The following BCAS3 variants were observed in gnomAD, a reference collection of about 807,000 sequenced individuals.
BCAS3 encodes the protein BCAS4/BCAS3 fusion.
BCAS3 carries 53 observed loss-of-function variants against 116.1 expected under a neutral mutation model. The ratio of observed to expected loss-of-function variants is 0.46; its 90% CI spans 0.37 to 0.57. The LOEUF is 0.57. Ranked by LOEUF, BCAS3 falls within the 20% of genes least tolerant of loss-of-function variation. The probability of loss-of-function intolerance (pLI) is 0.00; values close to 1 mark genes in which losing one functional copy is unlikely to be tolerated. For synonymous variants in BCAS3, 391 were observed against 408.2 expected (o/e 0.96, Z 0.51); for missense variants, 917 against 1,165.4 (o/e 0.79, Z 3.10).
chr17:61,283,493 G>A (rs933515996), intron 22 of BCAS3, among the ~76,000 whole-genome samples: 7 of 149,008 alleles, frequency 4.7e-5, no homozygotes, highest in Non-Finnish European at 8.9e-5. Flanking sequence ...TGGCTCTGTC[G>A]CCCAGGCTAG....
chr17:61,058,545 A>C (rs924537952), intron 19 of BCAS3, among the ~76,000 whole-genome samples: 1 of 152,150 alleles, frequency 6.6e-6, no homozygotes, highest in Non-Finnish European at 1.5e-5. Context: ...TACACCTTTA[A>C]ATATGAAACC....
chr17:61,136,867 C>A lies in BCAS3; in HGVS notation c.2425+52303C>A, dbSNP rs1380505052. Among the ~76,000 whole-genome samples the A allele has an allele frequency of 6.6e-6, 1 of 152,062 alleles. No homozygotes were observed. Among genetic ancestry groups the A allele is most frequent in the Admixed American group, 6.5e-5 (1 of 15,270 alleles). ...AGCCACTGTGCTCAGCCAATTGTCC[C>A]CATTTAAGAACCACTACCCTGGAAA... On this transcript the variant is annotated intron_variant, in intron 22 of 23. Transcript: ENST00000407086. The surrounding 1 kb of genome is among the most constrained non-coding windows in gnomAD (Gnocchi z 4.4).
chr17:61,206,227 C>G (rs2081114695), intron 22 of BCAS3, among the ~76,000 whole-genome samples: 1 of 152,104 alleles, frequency 6.6e-6, no homozygotes, highest in Non-Finnish European at 1.5e-5. Flanking sequence ...GAGTCATAAT[C>G]CTGGCAAAAC....
chr17:60,974,967 C>T (rs1223658788), intron 14 of BCAS3, among the ~76,000 whole-genome samples: 2 of 151,088 alleles, frequency 1.3e-5, no homozygotes, highest in African/African-American at 2.5e-5. Flanking sequence ...TATATTCAAG[C>T]CATTTGTTTT....
At chr17:60,752,423 T>A (rs1264725569) in intron 6 of BCAS3, among the ~76,000 whole-genome samples, 2 of 21,768 alleles carry the variant, frequency 9.2e-5, no homozygotes, top group East Asian at 0.12. Context: ...GTGTATTTCA[T>A]TTTTTTTTTT....
intron 6 of BCAS3, among the ~76,000 whole-genome samples, chr17:60,769,678 C>T (rs1034964261): frequency 6.6e-6 from 1 of 152,168 alleles, no homozygotes; most frequent in Admixed American, 6.5e-5. Context: ...TGGGATTTGT[C>T]CTTGGCGTGT....
intron 6 of BCAS3, among the ~76,000 whole-genome samples, chr17:60,769,332 T>G (rs1041649089): frequency 6.6e-6 from 1 of 152,192 alleles, no homozygotes; most frequent in African/African-American, 2.4e-5. Flanking sequence ...GAGGCCACTC[T>G]TAGTGGGAGC....
intron 13 of BCAS3, among the ~76,000 whole-genome samples, chr17:60,943,918 G>A (rs184760784): frequency 1.5e-3 from 230 of 152,004 alleles, no homozygotes; most frequent in Middle Eastern, 6.8e-3. Context: ...AAGCAACTAG[G>A]AAACATTTAA....
chr17:60,927,529 A>G (rs1306414978), intron 13 of BCAS3, among the ~76,000 whole-genome samples: 1 of 152,202 alleles, frequency 6.6e-6, no homozygotes, highest in Non-Finnish European at 1.5e-5. Flanking sequence ...TGCTGGGATT[A>G]CAGGCATGAG....
intron 22 of BCAS3, among the ~76,000 whole-genome samples, chr17:61,158,690 G>A (rs1355631168): frequency 6.6e-6 from 1 of 152,106 alleles, no homozygotes; most frequent in East Asian, 1.9e-4. Flanking sequence ...AAGGGAAAGA[G>A]GGATAGTACA....
At chr17:61,173,790 G>GGTTGAGTCCTCCTGAAGCA (rs1264538501) in intron 22 of BCAS3, among the ~76,000 whole-genome samples, 3 of 151,806 alleles carry the variant, frequency 2.0e-5, no homozygotes, top group South Asian at 4.2e-4. Flanking sequence ...GTTGAGATGG[G>GGTTGAGTCCTCCTGAAGCA]GGATGACTTG....
At chr17:60,895,887 A>G (rs987534555) in intron 10 of BCAS3, among the ~76,000 whole-genome samples, 3 of 152,200 alleles carry the variant, frequency 2.0e-5, no homozygotes, top group African/African-American at 4.8e-5. Context: ...AAGATACTTG[A>G]TATGATTCAG....
Position 61,315,399 on chromosome 17 carries a change from G to A in BCAS3, c.2426-52928G>A, listed in dbSNP as rs1216113162. Among the ~76,000 whole-genome samples the A allele has an allele frequency of 6.6e-6, 1 of 152,194 alleles. No individual in the cohort carries two copies. Among genetic ancestry groups the A allele is most frequent in the Non-Finnish European group, 1.5e-5 (1 of 68,032 alleles). ...CTCCCAAAGTGCTGGGATTACAGGT[G>A]TGAGCCACCGCGCCCAGCCAACGCA... is the stretch of plus-strand genomic sequence containing the variant. On this transcript the variant is annotated intron_variant, in intron 22 of 23. Coordinates refer to ENST00000407086, the MANE Select transcript of BCAS3 (RefSeq NM_017679.5). This position sits in a 1 kb window ranked among gnomAD's most constrained non-coding sequence, Gnocchi z 5.3.
At chr17:61,055,587 C>T (rs1315048908) in intron 19 of BCAS3, among the ~76,000 whole-genome samples, 2 of 152,152 alleles carry the variant, frequency 1.3e-5, no homozygotes, top group Non-Finnish European at 2.9e-5. Flanking sequence ...TTTTCTGACA[C>T]ATAGGGCACC....
At chr17:61,242,313 A>G (rs560146586) in intron 22 of BCAS3, among the ~76,000 whole-genome samples, 2 of 151,994 alleles carry the variant, frequency 1.3e-5, no homozygotes, top group Admixed American at 1.3e-4. Context: ...TCAGGAAGAC[A>G]GTGTAAATAT....
intron 19 of BCAS3, among the ~76,000 whole-genome samples, chr17:61,071,982 T>C (rs1248291244): frequency 6.6e-6 from 1 of 152,176 alleles, no homozygotes; most frequent in Non-Finnish European, 1.5e-5. Context: ...GGATATTTAT[T>C]TGATAATGAA....
rs1337544104 is a variant in BCAS3, at chr17:61,134,947, A to G, written c.2425+50383A>G. Among the ~76,000 whole-genome samples, 2 of 152,136 alleles carry G rather than the reference A, an allele frequency of 1.3e-5. No homozygotes were observed. Among genetic ancestry groups the G allele is most frequent in the Non-Finnish European group, 2.9e-5 (2 of 68,024 alleles). ...CAAGTCAGTAAAAGTGATATACAGT[A>G]TTTCTTCAAAACTGGAATGTTATTA... On this transcript the variant is annotated intron_variant, in intron 22 of 23. Transcript: ENST00000407086. This position sits in a 1 kb window ranked among gnomAD's most constrained non-coding sequence, Gnocchi z 4.6.
At position 61,124,399 on chromosome 17, in the gene BCAS3, CAA is replaced by C. The variant is rs151084201; in HGVS notation, c.2425+39836_2425+39837del. ...TATAAAAGTAGGGATTATAATATAA[CAA>C]TGCATCTTTTTATTTAGTTTGTTAA... On this transcript the variant is annotated intron_variant, in intron 22 of 23. Coordinates refer to ENST00000407086, the MANE Select transcript of BCAS3 (RefSeq NM_017679.5). This position sits in a 1 kb window ranked among gnomAD's most constrained non-coding sequence, Gnocchi z 4.6. 2.6e-5 allele frequency among the ~76,000 whole-genome samples: 4 copies of C among 151,980 alleles called. No individual in the cohort carries two copies. The East Asian group carries it at 7.8e-4, about 29-fold the overall frequency.
rs1397548801 is a variant in BCAS3 at position 61,302,906 on chromosome 17, GA to G, written c.2426-65419del. Among the ~76,000 whole-genome samples, 1 of 152,200 alleles carries G rather than the reference GA, an allele frequency of 6.6e-6. No individual in the cohort carries two copies. The highest frequency in any genetic ancestry group is 1.5e-5 in the Non-Finnish European group (1 of 68,040). ...TCCACGAAATACGGGCTTTGAGAGA[GA>G]AGACCATCTATCTCTAAGGTCCCTT... On this transcript the variant is annotated intron_variant, in intron 22 of 23. Transcript: ENST00000407086. The surrounding 1 kb of genome is among the most constrained non-coding windows in gnomAD (Gnocchi z 4.4).
Sources: gnomAD v4.1 joint callset for allele counts (sites outside exome capture counted in the v4.1 genomes callset) on GRCh38, gnomAD v4.1.1 for gene constraint, Gnocchi (gnomAD v3.1) non-coding constraint, MANE v1.5 for transcripts, NCBI Gene and HGNC (gene_info 2026-07-23, HGNC 2026-07-21) for gene names.